Variants in TRAPPC9 observed in about 807,000 individuals in gnomAD.
The protein encoded by TRAPPC9 is IKK2 binding protein.
In TRAPPC9, 83 loss-of-function variants were observed where a neutral mutation model predicts 124.0. The ratio of observed to expected loss-of-function variants is 0.67; its 90% confidence interval spans 0.56 to 0.80. The LOEUF (loss-of-function observed/expected upper bound fraction) is 0.80. TRAPPC9 is among the 30% of genes least tolerant of loss of function. The probability of loss-of-function intolerance (pLI) is 0.00; values close to 1 mark genes in which losing one functional copy is unlikely to be tolerated. For synonymous variants in TRAPPC9, 638 were observed against 617.5 expected (o/e 1.03, Z -0.49); for missense variants, 1,302 against 1,508.3 (o/e 0.86, Z 2.27).
In TRAPPC9 at chr8:140,227,933, C is replaced by G. The variant is rs1182317345; in HGVS notation, c.2432-6350G>C. Among the ~76,000 whole-genome samples the G allele has an allele frequency of 3.9e-5, 6 of 152,330 alleles. No individual in the cohort carries two copies. The East Asian group carries it at 1.2e-3, about 29-fold the overall frequency. ...GACAACTGGATTGGTCACTACCCAG[C>G]AAAACTGACCCAAGGAATACATTTC... On this transcript the variant is annotated intron_variant, in intron 16 of 22. Coordinates refer to ENST00000438773, the MANE Select transcript of TRAPPC9 (RefSeq NM_001160372.4).
At chr8:140,455,315 T>C (rs574109434) in intron 1 of TRAPPC9, among the ~76,000 whole-genome samples, 100 of 151,446 alleles carry the variant, frequency 6.6e-4, no homozygotes, top group African/African-American at 2.4e-3. Context: ...GTATTTTCCG[T>C]GGAGATAGGG....
chr8:140,399,389 A>C (rs1320473525), intron 6 of TRAPPC9, among the ~76,000 whole-genome samples: 2 of 152,218 alleles, frequency 1.3e-5, no homozygotes, highest in African/African-American at 2.4e-5. Context: ...ATGCCAGCCC[A>C]TGAAAGCAGC....
intron 21 of TRAPPC9, among the ~76,000 whole-genome samples, chr8:139,758,529 G>T (rs1278934636): frequency 6.6e-6 from 1 of 152,190 alleles, no homozygotes; most frequent in African/African-American, 2.4e-5. Flanking sequence ...GGAGGCCGGG[G>T]GCAGGGGATG....
chr8:140,285,988 C>T (rs538631545), intron 13 of TRAPPC9, among the ~76,000 whole-genome samples: 8 of 152,192 alleles, frequency 5.3e-5, no homozygotes, highest in African/African-American at 1.7e-4. Flanking sequence ...ACAATAGGCA[C>T]GGAGCTGCAG....
intron 17 of TRAPPC9, among the ~76,000 whole-genome samples, chr8:140,133,842 A>G (rs2061246439): frequency 6.6e-6 from 1 of 152,200 alleles, no homozygotes. Context: ...AAATTTAACC[A>G]AAGAGGTAAA....
intron 17 of TRAPPC9, among the ~76,000 whole-genome samples, chr8:140,076,675 C>A (rs577329705): frequency 6.6e-6 from 1 of 152,182 alleles, no homozygotes; most frequent in Non-Finnish European, 1.5e-5. Flanking sequence ...GAAGATCGGC[C>A]GTGGCACCCC....
chr8:139,940,516 A>G (rs553482166), intron 19 of TRAPPC9, among the ~76,000 whole-genome samples: 39 of 152,356 alleles, frequency 2.6e-4, no homozygotes, highest in Non-Finnish European at 4.1e-4. Context: ...TAGCTAGAGT[A>G]TATCTGCTCC....
At chr8:139,897,084 C>T (rs1235297216) in intron 20 of TRAPPC9, among the ~76,000 whole-genome samples, 1 of 152,186 alleles carries the variant, frequency 6.6e-6, no homozygotes, top group Non-Finnish European at 1.5e-5. Flanking sequence ...AGAAGACCCA[C>T]GTCCCAGCCC....
intron 21 of TRAPPC9, among the ~76,000 whole-genome samples, chr8:139,769,136 C>A (rs1820781136): frequency 1.3e-5 from 2 of 152,268 alleles, no homozygotes; most frequent in South Asian, 4.1e-4. Context: ...CTACAGTAAC[C>A]CTGTTATCCT....
intron 19 of TRAPPC9, among the ~76,000 whole-genome samples, chr8:139,950,092 T>C (rs1396890110): frequency 6.6e-6 from 1 of 152,142 alleles, no homozygotes; most frequent in Admixed American, 6.5e-5. Flanking sequence ...TTTTGTCCCA[T>C]GATGGCGAGG....
intron 21 of TRAPPC9, among the ~76,000 whole-genome samples, chr8:139,858,325 A>T (rs7836631): frequency 0.41 from 61,722 of 152,096 alleles, 13,474 homozygotes; most frequent in East Asian, 0.73. Context: ...CCGCGATCAT[A>T]AGGAGGGTTG....
chr8:139,892,504 G>A (rs182177383), intron 20 of TRAPPC9, among the ~76,000 whole-genome samples: 4 of 152,352 alleles, frequency 2.6e-5, no homozygotes, highest in Non-Finnish European at 4.4e-5. Flanking sequence ...TGGAGACAGA[G>A]GAAGACAAAG....
intron 17 of TRAPPC9, among the ~76,000 whole-genome samples, chr8:140,080,659 A>T (rs1843764493): frequency 1.3e-5 from 2 of 152,106 alleles, no homozygotes; most frequent in Non-Finnish European, 2.9e-5. Context: ...CCCATGACCC[A>T]ATCACCTCCC....
chr8:139,905,224 A>G (rs1831275344), intron 20 of TRAPPC9, among the ~76,000 whole-genome samples: 1 of 150,984 alleles, frequency 6.6e-6, no homozygotes, highest in African/African-American at 2.4e-5. Context: ...GCTCTTATCA[A>G]GCAGGAGAGG....
chr8:139,914,057 T>C (rs559934541), intron 19 of TRAPPC9: 1 of 152,464 alleles, frequency 6.6e-6, no homozygotes, highest in South Asian at 2.1e-4. Context: ...AAGGCCTGCG[T>C]GATGGAAGGC....
chr8:140,377,368 G>A (rs118109638), intron 7 of TRAPPC9, among the ~76,000 whole-genome samples: 17 of 151,858 alleles, frequency 1.1e-4, no homozygotes, highest in East Asian at 9.7e-4. Context: ...GCGTAATCTC[G>A]GCTTACTGCA....
chr8:140,449,536 T>G (rs1044357933), intron 2 of TRAPPC9, among the ~76,000 whole-genome samples: 2 of 152,248 alleles, frequency 1.3e-5, no homozygotes, highest in African/African-American at 4.8e-5. Context: ...AGTTTTTGAC[T>G]TAATAACAGG....
intron 20 of TRAPPC9, 56 bp downstream of exon 20, chr8:139,910,091 G>A: frequency 6.2e-7 from 1 of 1,607,564 alleles, no homozygotes; most frequent in South Asian, 1.1e-5. Flanking sequence ...TTTCTTAGAG[G>A]TTGGAACCCT....
chr8:140,111,199 C>T (rs962436446), intron 17 of TRAPPC9, among the ~76,000 whole-genome samples: 1 of 151,742 alleles, frequency 6.6e-6, no homozygotes, highest in Non-Finnish European at 1.5e-5. Context: ...TTAAAAGCCC[C>T]TTTCTTTTTC....
Sources: allele counts gnomAD v4.1 joint callset (sites outside exome capture counted in the v4.1 genomes callset), GRCh38; gene constraint gnomAD v4.1.1; transcripts MANE v1.5; gene names NCBI Gene and HGNC (gene_info 2026-07-23, HGNC 2026-07-21).